AGPAT2: variants seen among roughly 807,000 people sequenced by gnomAD.
AGPAT2 encodes 1-acylglycerol-3-phosphate O-acyltransferase 2.
A neutral mutation model predicts 26.1 loss-of-function variants in AGPAT2; 18 were observed. That is an observed-to-expected ratio of 0.69 (90% CI 0.48 to 1.02). AGPAT2 has a LOEUF of 1.02. AGPAT2 is among the 50% of genes least tolerant of loss of function. AGPAT2 has a pLI of 0.00. For missense variants in AGPAT2, 415 were observed against 394.9 expected (o/e 1.05, Z -0.43); for synonymous variants, 200 against 174.2 (o/e 1.15, Z -1.16).
chr9:136,679,004 T>A (rs1428023060), intron 1 of AGPAT2, among the ~76,000 whole-genome samples: 1 of 152,166 alleles, frequency 6.6e-6, no homozygotes, highest in African/African-American at 2.4e-5. Flanking sequence ...CCTGCCGACC[T>A]CGGCCTCCCA....
At chr9:136,677,700 A>T in intron 1 of AGPAT2, 144 bp from the exon 2 acceptor site, 2 of 994,324 alleles carry the variant, frequency 2.0e-6, no homozygotes, top group Non-Finnish European at 1.5e-6. Flanking sequence ...CAGGGGAGGG[A>T]GCCCCTGAAG....
In AGPAT2 at chr9:136,687,367, C is replaced by T. The variant is rs752498632; in HGVS notation, c.-10G>A. Reference sequence around the variant, plus strand: ...ACGGCCACAGCTCCATGGCCCGGCCCGGCGCCCGACGGCGCCGCCAGCTCG... The same window carrying T: ...ACGGCCACAGCTCCATGGCCCGGCCTGGCGCCCGACGGCGCCGCCAGCTCG... On this transcript the variant is annotated 5_prime_UTR_variant, in exon 1 of 6. Transcript: ENST00000371696. The T allele has an allele frequency of 4.1e-6, 6 of 1,446,068 alleles. No individual in the cohort carries two copies. Among genetic ancestry groups the T allele is most frequent in the South Asian group, 2.8e-5 (2 of 71,926 alleles). 89.6% of individuals were successfully genotyped at this position (1,446,068 alleles called of 1,614,324 possible). A position where few individuals can be genotyped will look rare whatever the true frequency, so the allele number is the denominator to read the frequency against.
intron 1 of AGPAT2, among the ~76,000 whole-genome samples, chr9:136,683,872 C>T (rs1465273805): frequency 2.0e-5 from 3 of 152,210 alleles, no homozygotes; most frequent in African/African-American, 7.2e-5. Flanking sequence ...GGACATCTGT[C>T]AGAGGACCCG....
chr9:136,677,671 G>A (rs2119187060), intron 1 of AGPAT2, 115 bp from the exon 2 acceptor site: 1 of 1,320,588 alleles, frequency 7.6e-7, no homozygotes, highest in Middle Eastern at 2.3e-4. Context: ...CCTGGCACGG[G>A]GCAGGAGACC....
Position 136,677,422 on chromosome 9 carries a change from C to T in AGPAT2, c.316+1G>A. The T allele has an allele frequency of 6.2e-7, 1 of 1,613,254 alleles. No homozygotes were observed. ...GAAGCCACCCCCGAGGCCCGGCCTA[C>T]CCATCATGTCCAGGATGCTCTGGTG... On this transcript the variant is annotated splice_donor_variant, in intron 2 of 5. Transcript: ENST00000371696. LOFTEE classifies it high-confidence loss of function.
chr9:136,677,231 C>G lies in AGPAT2; in HGVS notation c.317-95G>C, dbSNP rs933800807. On this transcript the variant is annotated intron_variant, in intron 2 of 5. Transcript: ENST00000371696. ...ACCCACAGGCCTGCCTGGCACCCTG[C>G]CTTCTCCCTGGCTACCTGGACGGGT... is the stretch of plus-strand genomic sequence containing the variant. 19 of 1,531,676 alleles carry G rather than the reference C, an allele frequency of 1.2e-5. No individual in the cohort carries two copies. The Admixed American group carries it at 3.4e-4, about 28-fold the overall frequency. The allele number at this position is 1,531,676 out of a possible 1,614,324, so 94.9% of individuals were successfully genotyped here. A position where few individuals can be genotyped will look rare whatever the true frequency, so the allele number is the denominator to read the frequency against.
intron 1 of AGPAT2, among the ~76,000 whole-genome samples, chr9:136,685,134 G>A (rs1337551262): frequency 6.6e-6 from 1 of 152,174 alleles, no homozygotes; most frequent in East Asian, 1.9e-4. Flanking sequence ...CTGCCCTCTG[G>A]CCCTCCCTTC....
intron 1 of AGPAT2, among the ~76,000 whole-genome samples, chr9:136,686,948 G>C (rs890879098): frequency 6.6e-6 from 1 of 152,146 alleles, no homozygotes. Context: ...CCAGGGCGGG[G>C]GGTGGGGTGC....
chr9:136,679,250 G>C (rs1846131515), intron 1 of AGPAT2, among the ~76,000 whole-genome samples: 1 of 152,020 alleles, frequency 6.6e-6, no homozygotes, highest in Non-Finnish European at 1.5e-5. Flanking sequence ...CCCAGCCCTG[G>C]CACTCTGCCC....
At chr9:136,686,146 GC>G (rs147977757) in intron 1 of AGPAT2, among the ~76,000 whole-genome samples, 2,326 of 152,318 alleles carry the variant, frequency 0.015, 25 homozygotes, top group Non-Finnish European at 0.021. Flanking sequence ...ATGACTGTAG[GC>G]CCGTTCCAGC....
intron 1 of AGPAT2, among the ~76,000 whole-genome samples, chr9:136,684,493 C>G (rs574396757): frequency 6.6e-6 from 1 of 152,320 alleles, no homozygotes; most frequent in East Asian, 1.9e-4. Context: ...CATCACTGTC[C>G]CTCACACGCT....
At chr9:136,682,121 C>T (rs867488619) in intron 1 of AGPAT2, among the ~76,000 whole-genome samples, 4 of 152,192 alleles carry the variant, frequency 2.6e-5, no homozygotes, top group Admixed American at 2.6e-4. Context: ...CAGGCCTGAG[C>T]CCCCCTCGGA....
chr9:136,678,700 G>A (rs938345513), intron 1 of AGPAT2, among the ~76,000 whole-genome samples: 1 of 152,134 alleles, frequency 6.6e-6, no homozygotes, highest in African/African-American at 2.4e-5. Flanking sequence ...TCAAAGCCGG[G>A]GCCTTCTCTC....
intron 1 of AGPAT2, among the ~76,000 whole-genome samples, chr9:136,682,906 T>G (rs1360715568): frequency 1.3e-5 from 2 of 152,252 alleles, no homozygotes; most frequent in East Asian, 1.9e-4. Context: ...GGATCCCATT[T>G]CCCTTCTTCC....
chr9:136,686,504 G>A (rs1846222649), intron 1 of AGPAT2, among the ~76,000 whole-genome samples: 2 of 152,216 alleles, frequency 1.3e-5, no homozygotes, highest in Admixed American at 1.3e-4. Context: ...GCGTCCAGGG[G>A]AAAATTTCAG....
intron 1 of AGPAT2, among the ~76,000 whole-genome samples, chr9:136,680,825 C>T (rs1283765623): frequency 6.6e-6 from 1 of 151,760 alleles, no homozygotes; most frequent in Non-Finnish European, 1.5e-5. Context: ...CGCCACCACA[C>T]CCGGCTAATT....
chr9:136,680,552 G>A (rs1046543511), intron 1 of AGPAT2, among the ~76,000 whole-genome samples: 33 of 152,122 alleles, frequency 2.2e-4, no homozygotes, highest in Middle Eastern at 6.3e-3. Flanking sequence ...GTTAACAACT[G>A]CATCTTGGTG....
At position 136,673,410 on chromosome 9, in the gene AGPAT2, G is replaced by A. The variant is rs1846035452; in HGVS notation, c.*342C>T. The A allele has an allele frequency of 4.6e-6, 1 of 219,236 alleles. No homozygotes were observed. Among genetic ancestry groups the A allele is most frequent in the Non-Finnish European group, 9.0e-6 (1 of 111,416 alleles). 13.6% of individuals were successfully genotyped at this position (219,236 alleles called of 1,614,324 possible). Reference sequence around the variant, plus strand: ...TCGGACAGTGTGCGTCTGGCCTCGGGGTCCTCCCATCTGCTCCTGGGCCAT... The same window carrying A: ...TCGGACAGTGTGCGTCTGGCCTCGGAGTCCTCCCATCTGCTCCTGGGCCAT... On this transcript the variant is annotated 3_prime_UTR_variant, in exon 6 of 6. Transcript: ENST00000371696.
chr9:136,676,783 A>G (rs569977821), intron 3 of AGPAT2, 103 bp from the exon 4 acceptor site: 6 of 1,313,058 alleles, frequency 4.6e-6, no homozygotes, highest in Non-Finnish European at 4.3e-6. Context: ...AGCAGCTGGC[A>G]TGGGACCCCA....
Sources: gnomAD v4.1 joint callset for allele counts (sites outside exome capture counted in the v4.1 genomes callset) on GRCh38, gnomAD v4.1.1 for gene constraint, MANE v1.5 for transcripts, NCBI Gene and HGNC (gene_info 2026-07-23, HGNC 2026-07-21) for gene names.